DAOA: variants seen among roughly 807,000 people sequenced by gnomAD.
DAOA encodes D-amino acid oxidase regulator.
DAOA carries 15 observed loss-of-function variants against 16.4 expected under a neutral mutation model. That is an observed-to-expected ratio of 0.91 (90% CI 0.61 to 1.41). DAOA has a LOEUF of 1.41. DAOA is among the 40% of genes most tolerant of loss of function. DAOA has a pLI of 0.00. For synonymous variants in DAOA, 75 were observed against 59.1 expected (o/e 1.27, Z -1.23); for missense variants, 230 against 176.8 (o/e 1.30, Z -1.71).
intron 4 of DAOA, among the ~76,000 whole-genome samples, chr13:105,478,432 A>G (rs765794011): frequency 2.6e-5 from 4 of 152,210 alleles, no homozygotes; most frequent in Non-Finnish European, 5.9e-5. Flanking sequence ...ACCCATTTGT[A>G]CTTTTACAAA....
At chr13:105,475,977 C>G (rs974693142) in intron 4 of DAOA, among the ~76,000 whole-genome samples, 2 of 152,030 alleles carry the variant, frequency 1.3e-5, no homozygotes, top group East Asian at 3.8e-4. Context: ...TATGAATGCA[C>G]ACACATATAT....
In DAOA at chr13:105,490,079, T is replaced by C. The variant is rs1179291543; in HGVS notation, c.460T>C (p.Ter154ArgextTer12). The change falls in exon 5 of 6, where the codon TGA (stop) becomes CGA (arginine). Residue 154 changes from the stop codon to arginine, a stop_lost. Coordinates refer to ENST00000375936, the MANE Select transcript of DAOA (RefSeq NM_172370.5). The part of the protein sequence containing the change: ...HKEITSTKAE[*>R] ...GGAAATAACTTCTACCAAAGCTGAA[T>C]GAGTTTGGAAGCAGATTCTTCCCAG... 1.3e-6 allele frequency: 2 copies of C among 1,553,058 alleles called. No individual in the cohort carries two copies. The highest frequency in any genetic ancestry group is 1.7e-6 in the Non-Finnish European group (2 of 1,147,144).
At chr13:105,483,777 T>A (rs1877916826) in intron 4 of DAOA, among the ~76,000 whole-genome samples, 1 of 152,114 alleles carries the variant, frequency 6.6e-6, no homozygotes, top group Non-Finnish European at 1.5e-5. Context: ...TTTTCTTGTG[T>A]ACCATGGAGA....
intron 3 of DAOA, among the ~76,000 whole-genome samples, chr13:105,468,892 A>T (rs941175139): frequency 1.3e-5 from 2 of 152,216 alleles, no homozygotes; most frequent in Non-Finnish European, 2.9e-5. Flanking sequence ...AAGAAGCGAG[A>T]TCTTGGAGCA....
intron 4 of DAOA, chr13:105,475,040 T>TG: frequency 1.0e-6 from 1 of 985,824 alleles, no homozygotes; most frequent in Non-Finnish European, 1.2e-6. Flanking sequence ...CTCAGATATT[T>TG]GCTGGGCACT....
At chr13:105,475,084 G>A in intron 4 of DAOA, 1 of 969,242 alleles carries the variant, frequency 1.0e-6, no homozygotes, top group South Asian at 4.8e-5. Flanking sequence ...AAGATGTTAA[G>A]CTGCATACCC....
intron 3 of DAOA, among the ~76,000 whole-genome samples, chr13:105,472,108 G>T (rs1539070): frequency 6.6e-6 from 1 of 152,114 alleles, no homozygotes; most frequent in Admixed American, 6.5e-5. Flanking sequence ...CTTCCCAACA[G>T]TCACACAGGG....
intron 4 of DAOA, among the ~76,000 whole-genome samples, chr13:105,477,992 T>C (rs9519687): frequency 0.31 from 47,680 of 152,042 alleles, 7,614 homozygotes; most frequent in Non-Finnish European, 0.34. Flanking sequence ...ATTTAAAATA[T>C]TTTTCAAAAG....
At chr13:105,474,807 T>C (rs1032998630) in intron 4 of DAOA, among the ~76,000 whole-genome samples, 2 of 152,066 alleles carry the variant, frequency 1.3e-5, no homozygotes, top group Non-Finnish European at 2.9e-5. Flanking sequence ...AAATAAAGAA[T>C]AGTTGAAGGA....
At chr13:105,470,893 C>T (rs1221394071) in intron 3 of DAOA, among the ~76,000 whole-genome samples, 1 of 152,132 alleles carries the variant, frequency 6.6e-6, no homozygotes, top group Non-Finnish European at 1.5e-5. Context: ...CGGGTTCATG[C>T]CATTCTCCTG....
intron 4 of DAOA, among the ~76,000 whole-genome samples, chr13:105,486,722 G>A (rs574438765): frequency 9.9e-5 from 15 of 151,606 alleles, no homozygotes; most frequent in South Asian, 2.1e-4. Flanking sequence ...AGGTTCAAGC[G>A]ATTCTCCTGC....
intron 4 of DAOA, among the ~76,000 whole-genome samples, chr13:105,476,926 G>T (rs563484340): frequency 6.6e-6 from 1 of 152,170 alleles, no homozygotes; most frequent in African/African-American, 2.4e-5. Flanking sequence ...GCACCCATGA[G>T]CGTTTTCATA....
chr13:105,475,513 A>C (rs896282773), intron 4 of DAOA, among the ~76,000 whole-genome samples: 5 of 152,140 alleles, frequency 3.3e-5, no homozygotes, highest in African/African-American at 1.2e-4. Context: ...GTTTTATGAG[A>C]TCCTCTAAGC....
At chr13:105,466,628 C>A (rs1260360979) in intron 2 of DAOA, among the ~76,000 whole-genome samples, 3 of 152,140 alleles carry the variant, frequency 2.0e-5, no homozygotes, top group Non-Finnish European at 4.4e-5. Flanking sequence ...GACAGCTTTC[C>A]ATTGTTATAA....
At chr13:105,473,867 C>G (rs772791231) in intron 4 of DAOA, among the ~76,000 whole-genome samples, 1 of 152,072 alleles carries the variant, frequency 6.6e-6, no homozygotes, top group East Asian at 1.9e-4. Context: ...TACAGGAAAG[C>G]TACTTAAATA....
At chr13:105,489,269 GA>G (rs1456829543) in intron 4 of DAOA, among the ~76,000 whole-genome samples, 1 of 152,198 alleles carries the variant, frequency 6.6e-6, no homozygotes, top group African/African-American at 2.4e-5. Context: ...CCAGCTGCCT[GA>G]ATTTGAATTC....
chr13:105,476,838 T>C (rs1023131997), intron 4 of DAOA, among the ~76,000 whole-genome samples: 1 of 152,028 alleles, frequency 6.6e-6, no homozygotes, highest in Non-Finnish European at 1.5e-5. Flanking sequence ...CTCCCATTGA[T>C]TGGTGTCAAG....
intron 4 of DAOA, among the ~76,000 whole-genome samples, chr13:105,476,757 C>T (rs1335051656): frequency 1.3e-5 from 2 of 151,890 alleles, no homozygotes; most frequent in Non-Finnish European, 2.9e-5. Flanking sequence ...AGTTAGAGTA[C>T]CTGGTGAGTA....
chr13:105,467,665 C>CTAGGAT (rs1181844025), intron 3 of DAOA: 2 of 147,472 alleles, frequency 1.4e-5, no homozygotes, highest in Admixed American at 6.9e-5. Flanking sequence ...TCCCCAAGTG[C>CTAGGAT]TAGGATTACA....
Sources: gnomAD v4.1 joint callset for allele counts (sites outside exome capture counted in the v4.1 genomes callset) on GRCh38, gnomAD v4.1.1 for gene constraint, MANE v1.5 for transcripts, NCBI Gene and HGNC (gene_info 2026-07-23, HGNC 2026-07-21) for gene names.